The following LUZP2 variants were observed in gnomAD, a reference collection of about 807,000 sequenced individuals.
LUZP2 encodes the protein leucine zipper protein 2.
Under a neutral mutation model 51.6 loss-of-function variants are expected in LUZP2, and 52 were observed. The observed-to-expected ratio is 1.01, with a 90% CI of 0.81 to 1.27. LUZP2 has a LOEUF of 1.27. Among genes scored for constraint, LUZP2 ranks in the 50% most tolerant of loss-of-function variants. The pLI is 0.00. For synonymous variants in LUZP2, 154 were observed against 137.3 expected, an observed-to-expected ratio of 1.12 and a Z score of -0.85; for missense variants, 436 against 395.4, an observed-to-expected ratio of 1.10 and a Z score of -0.87.
rs369401300 is a variant in LUZP2, at chr11:24,501,207, T to G, written c.62+3902T>G. Among the ~76,000 whole-genome samples, 10 of 152,364 alleles carry G rather than the reference T, an allele frequency of 6.6e-5. No homozygotes were observed. The South Asian group carries it at 1.0e-3, about 16-fold the overall frequency. ...TAGAGGTATGGCTTTCTTAAGAAGA[T>G]ATTAACACACAAATATTTTGACTTC... On this transcript the variant is annotated intron_variant, in intron 1 of 11. Coordinates refer to ENST00000336930, the MANE Select transcript of LUZP2 (RefSeq NM_001009909.4).
intron 1 of LUZP2, among the ~76,000 whole-genome samples, chr11:24,578,561 TA>T (rs3077989): frequency 0.42 from 61,985 of 146,278 alleles, 13,888 homozygotes; most frequent in East Asian, 0.6. Flanking sequence ...TGGGCTGGAT[TA>T]AAAAAAAAAA....
At chr11:24,929,143 G>T (rs1004241410) in intron 7 of LUZP2, among the ~76,000 whole-genome samples, 1 of 151,850 alleles carries the variant, frequency 6.6e-6, no homozygotes, top group South Asian at 2.1e-4. Context: ...CTTGCTAATG[G>T]TCTATCAATT....
intron 1 of LUZP2, among the ~76,000 whole-genome samples, chr11:24,635,421 AGTGTGT>A (rs3078023): frequency 6.7e-6 from 1 of 150,196 alleles, no homozygotes; most frequent in African/African-American, 2.4e-5. Context: ...ATCAGAAAAG[AGTGTGT>A]GTGTGTGTGT....
chr11:24,785,262 A>G (rs181373892), intron 5 of LUZP2, among the ~76,000 whole-genome samples: 39 of 152,132 alleles, frequency 2.6e-4, no homozygotes, highest in African/African-American at 9.1e-4. Flanking sequence ...CTTATCTACT[A>G]CACTAAGGAA....
At chr11:24,706,256 G>C (rs1396693143) in intron 1 of LUZP2, among the ~76,000 whole-genome samples, 1 of 152,128 alleles carries the variant, frequency 6.6e-6, no homozygotes, top group Non-Finnish European at 1.5e-5. Flanking sequence ...GGATAAAAAT[G>C]ATAAAACTGC....
chr11:24,937,795 G>A (rs1232395869), intron 7 of LUZP2, among the ~76,000 whole-genome samples: 2 of 151,996 alleles, frequency 1.3e-5, no homozygotes, highest in African/African-American at 4.8e-5. Flanking sequence ...CAGACACATG[G>A]GAGGCTGAGG....
chr11:25,061,566 T>C (rs540202294), intron 10 of LUZP2, among the ~76,000 whole-genome samples: 46 of 152,286 alleles, frequency 3.0e-4, no homozygotes, highest in Admixed American at 2.7e-3. Flanking sequence ...TCCTGATTAA[T>C]TTGCATATTT....
chr11:24,824,621 G>A (rs1850470058), intron 5 of LUZP2, among the ~76,000 whole-genome samples: 6 of 151,652 alleles, frequency 4.0e-5, no homozygotes, highest in Admixed American at 3.3e-4. Context: ...CAAATCTAAA[G>A]TCTTATAATA....
At chr11:24,754,770 T>C (rs573929868) in intron 4 of LUZP2, among the ~76,000 whole-genome samples, 188 of 152,326 alleles carry the variant, frequency 1.2e-3, no homozygotes, top group Non-Finnish European at 2.0e-3. Flanking sequence ...TCCTATGATA[T>C]ATACACATCT....
intron 9 of LUZP2, among the ~76,000 whole-genome samples, chr11:25,000,753 T>A (rs745624487): frequency 1.1e-4 from 17 of 152,172 alleles, no homozygotes; most frequent in Admixed American, 3.3e-4. Flanking sequence ...GCAGCAGTCT[T>A]CCCCTAAGAA....
chr11:25,033,035 T>C (rs1202455326), intron 9 of LUZP2, among the ~76,000 whole-genome samples: 2 of 152,168 alleles, frequency 1.3e-5, no homozygotes, highest in African/African-American at 2.4e-5. Context: ...CATCTAACTT[T>C]GGCAAACATT....
At chr11:24,788,180 A>ATTTTTTTTTTTTTTTTTTTTTTTTTT (rs61308017) in intron 5 of LUZP2, among the ~76,000 whole-genome samples, 1 of 83,396 alleles carries the variant, frequency 1.2e-5, no homozygotes, top group Non-Finnish European at 2.2e-5. Context: ...TTTGTTTTTA[A>ATTTTTTTTTTTTTTTTTTTTTTTTTT]TTTTTTTTTT....
intron 1 of LUZP2, among the ~76,000 whole-genome samples, chr11:24,689,507 T>C (rs1013030150): frequency 1.3e-5 from 2 of 152,158 alleles, no homozygotes; most frequent in African/African-American, 2.4e-5. Context: ...TTTCTATCTA[T>C]TGGGAGACTG....
chr11:24,789,375 C>A (rs1849341399), intron 5 of LUZP2, among the ~76,000 whole-genome samples: 1 of 152,056 alleles, frequency 6.6e-6, no homozygotes, highest in South Asian at 2.1e-4. Flanking sequence ...CATGCCTATT[C>A]CCTTCATTAC....
intron 3 of LUZP2, among the ~76,000 whole-genome samples, chr11:24,735,853 G>T (rs557288206): frequency 6.6e-6 from 1 of 151,956 alleles, no homozygotes; most frequent in Non-Finnish European, 1.5e-5. Context: ...GCAAATCTCA[G>T]TTGGTATTGG....
intron 4 of LUZP2, among the ~76,000 whole-genome samples, chr11:24,758,428 A>C (rs1859853746): frequency 2.6e-5 from 4 of 151,988 alleles, no homozygotes; most frequent in Admixed American, 2.0e-4. Context: ...GGAAAGATTA[A>C]TATCACTGGG....
chr11:25,062,125 G>A (rs546181623), intron 10 of LUZP2, among the ~76,000 whole-genome samples: 14 of 150,790 alleles, frequency 9.3e-5, no homozygotes, highest in African/African-American at 3.2e-4. Flanking sequence ...AGAAGAAAAA[G>A]GAGGGAGACA....
chr11:24,683,025 C>G (rs1033222351), intron 1 of LUZP2, among the ~76,000 whole-genome samples: 1 of 152,096 alleles, frequency 6.6e-6, no homozygotes, highest in Non-Finnish European at 1.5e-5. Flanking sequence ...GTGGGAAAGC[C>G]AAATATGTGC....
chr11:24,799,318 C>T (rs879413341), intron 5 of LUZP2, among the ~76,000 whole-genome samples: 1 of 152,166 alleles, frequency 6.6e-6, no homozygotes, highest in Admixed American at 6.5e-5. Flanking sequence ...TTCAAAGGGG[C>T]CGGGTGTGGT....
Sources: gnomAD v4.1 joint callset for allele counts (sites outside exome capture counted in the v4.1 genomes callset) on GRCh38, gnomAD v4.1.1 for gene constraint, MANE v1.5 for transcripts, NCBI Gene and HGNC (gene_info 2026-07-23, HGNC 2026-07-21) for gene names.